PBK: variants seen among roughly 807,000 people sequenced by gnomAD.
PBK encodes lymphokine-activated killer T-cell-originated protein kinase.
A neutral mutation model predicts 33.5 loss-of-function variants in PBK; 22 were observed. The ratio of observed to expected loss-of-function variants is 0.66; its 90% CI spans 0.47 to 0.94. The LOEUF is 0.94. PBK is among the 40% of genes least tolerant of loss of function. The pLI is 0.00. For missense variants in PBK, 376 were observed against 383.4 expected, an observed-to-expected ratio of 0.98 and a Z score of 0.16; for synonymous variants, 129 against 123.8, an observed-to-expected ratio of 1.04 and a Z score of -0.28.
At chr8:27,818,057 T>C (rs1805851870) in intron 6 of PBK, among the ~76,000 whole-genome samples, 2 of 152,220 alleles carry the variant, frequency 1.3e-5, no homozygotes, top group African/African-American at 4.8e-5. Flanking sequence ...CAATGCTTTT[T>C]CACCCTCCCC....
chr8:27,815,560 G>C (rs751414925), intron 6 of PBK, among the ~76,000 whole-genome samples: 17 of 152,220 alleles, frequency 1.1e-4, no homozygotes, highest in Non-Finnish European at 1.9e-4. Flanking sequence ...CACATGGGCA[G>C]TGACTCTGTG....
chr8:27,832,352 A>G (rs750743410), intron 2 of PBK, among the ~76,000 whole-genome samples: 5 of 152,194 alleles, frequency 3.3e-5, no homozygotes, highest in Non-Finnish European at 1.5e-5. Context: ...ATTGGGAACA[A>G]GGCAAGTATA....
intron 1 of PBK, among the ~76,000 whole-genome samples, chr8:27,834,178 C>T (rs1225601666): frequency 1.3e-5 from 2 of 151,970 alleles, no homozygotes; most frequent in African/African-American, 2.4e-5. Flanking sequence ...CCAGCGCCCA[C>T]CACCACACCT....
chr8:27,823,718 G>GATATGTGCTTAAGGAGATAATGATGAAC (rs1464578243), intron 3 of PBK, among the ~76,000 whole-genome samples: 1 of 152,016 alleles, frequency 6.6e-6, no homozygotes, highest in Non-Finnish European at 1.5e-5. Flanking sequence ...CATGCTCAAA[G>GATATGTGCTTAAGGAGATAATGATGAAC]ATATGTGCTT....
chr8:27,818,625 CATTG>C (rs1805863224), intron 6 of PBK, among the ~76,000 whole-genome samples: 1 of 152,016 alleles, frequency 6.6e-6, no homozygotes, highest in Non-Finnish European at 1.5e-5. Flanking sequence ...ATCTGTTTCT[CATTG>C]ATTACTAATA....
At chr8:27,821,553 C>A (rs1190135475) in intron 5 of PBK, among the ~76,000 whole-genome samples, 2 of 152,202 alleles carry the variant, frequency 1.3e-5, no homozygotes. Flanking sequence ...AGCCACCACA[C>A]CCAGCCAAGT....
intron 3 of PBK, among the ~76,000 whole-genome samples, chr8:27,826,336 T>C (rs1315504251): frequency 2.0e-5 from 3 of 152,158 alleles, no homozygotes; most frequent in African/African-American, 7.2e-5. Context: ...CACCGATTCA[T>C]GGGGAGCTAC....
At chr8:27,835,661 C>G (rs1305497896) in intron 1 of PBK, among the ~76,000 whole-genome samples, 1 of 151,956 alleles carries the variant, frequency 6.6e-6, no homozygotes, top group Non-Finnish European at 1.5e-5. Context: ...AAGCAATTCT[C>G]CTGCCTCAGC....
chr8:27,827,482 G>T (rs964030401), intron 3 of PBK, among the ~76,000 whole-genome samples: 1 of 152,144 alleles, frequency 6.6e-6, no homozygotes, highest in Non-Finnish European at 1.5e-5. Flanking sequence ...GGGAGGTCGT[G>T]CCACTGCACT....
At chr8:27,829,503 A>C (rs927503071) in intron 2 of PBK, among the ~76,000 whole-genome samples, 1 of 152,218 alleles carries the variant, frequency 6.6e-6, no homozygotes, top group Non-Finnish European at 1.5e-5. Flanking sequence ...ACAATGCAAA[A>C]TATCTACTGC....
Position 27,823,125 on chromosome 8 carries a change from TACAC to T in PBK, c.229_232del (p.Val77IlefsTer5), listed in dbSNP as rs763908468. Reference sequence around the variant, plus strand: ...AGCTTCATCCATTAGTCTCTTTTGATACACACTTCGATAATGATCATTACATATA... The same window carrying T: ...AGCTTCATCCATTAGTCTCTTTTGATACTTCGATAATGATCATTACATATA... On this transcript the variant is annotated frameshift_variant, in exon 4 of 8. Coordinates refer to ENST00000301905, the MANE Select transcript of PBK (RefSeq NM_018492.4). LOFTEE classifies it high-confidence loss of function. The T allele has an allele frequency of 1.3e-6, 2 of 1,574,994 alleles. No homozygotes were observed. The highest frequency in any genetic ancestry group is 2.2e-5 in the South Asian group (2 of 89,752).
At chr8:27,824,126 A>G (rs34897393) in intron 3 of PBK, among the ~76,000 whole-genome samples, 2,458 of 152,268 alleles carry the variant, frequency 0.016, 25 homozygotes, top group Middle Eastern at 0.027. Flanking sequence ...ATTCATGTAC[A>G]TCTATCATCC....
Position 27,820,574 on chromosome 8 carries a change from T to C in PBK, c.586A>G (p.Asn196Asp). ...DVGVSLPLDE[N>D]MTVTDPEACY... ...TAAGAGTACAACTTACCAGTCATATTTTCATCCAGTGGTAGAGAGACTCCT... is the reference window on the plus strand; with the variant it reads ...TAAGAGTACAACTTACCAGTCATATCTTCATCCAGTGGTAGAGAGACTCCT... Residue 196 changes from asparagine to aspartate, a missense_variant, in exon 6 of 8, where the codon AAT (asparagine) becomes GAT (aspartate). Transcript: ENST00000301905. 6.4e-7 allele frequency: 1 copy of C among 1,566,326 alleles called. No homozygotes were observed. The highest frequency in any genetic ancestry group is 8.7e-7 in the Non-Finnish European group (1 of 1,150,186).
chr8:27,834,123 G>A (rs2128966130), intron 1 of PBK, among the ~76,000 whole-genome samples: 1 of 151,688 alleles, frequency 6.6e-6, no homozygotes, highest in East Asian at 1.9e-4. Context: ...TGCCTCCCAG[G>A]TTCAAGCAAT....
chr8:27,830,537 A>G (rs1442950372), intron 2 of PBK, among the ~76,000 whole-genome samples: 1 of 152,212 alleles, frequency 6.6e-6, no homozygotes, highest in Non-Finnish European at 1.5e-5. Flanking sequence ...TTGAGTATAA[A>G]TGGTCTAAAC....
chr8:27,833,398 G>T (rs1240554788), intron 1 of PBK, among the ~76,000 whole-genome samples: 1 of 151,874 alleles, frequency 6.6e-6, no homozygotes, highest in Admixed American at 6.6e-5. Context: ...AATCCCAGCT[G>T]CTTGGGAGGC....
chr8:27,815,810 A>G (rs1187134530), intron 6 of PBK, among the ~76,000 whole-genome samples: 3 of 152,224 alleles, frequency 2.0e-5, no homozygotes, highest in Non-Finnish European at 4.4e-5. Flanking sequence ...TGAATTTAAC[A>G]TAGTATTTAA....
intron 3 of PBK, 78 bp from the exon 4 acceptor site, chr8:27,823,283 G>A: frequency 5.4e-6 from 5 of 917,508 alleles, no homozygotes; most frequent in Non-Finnish European, 6.6e-6. Flanking sequence ...CAAATTTTTG[G>A]GAAAAAGCTT....
chr8:27,821,781 A>G (rs1384681345), intron 5 of PBK, among the ~76,000 whole-genome samples: 1 of 152,220 alleles, frequency 6.6e-6, no homozygotes, highest in Non-Finnish European at 1.5e-5. Flanking sequence ...TGTTGAGACC[A>G]TGTGGGACAA....
Sources: allele counts gnomAD v4.1 joint callset (sites outside exome capture counted in the v4.1 genomes callset), GRCh38; gene constraint gnomAD v4.1.1; transcripts MANE v1.5; gene names NCBI Gene and HGNC (gene_info 2026-07-23, HGNC 2026-07-21).